The following ACACA variants were observed in gnomAD, a reference collection of about 807,000 sequenced individuals.
ACACA encodes acetyl-CoA carboxylase 1.
A neutral mutation model predicts 296.1 loss-of-function variants in ACACA; 103 were observed. That is an observed-to-expected ratio of 0.35 (90% CI 0.30 to 0.41). The LOEUF (loss-of-function observed/expected upper bound fraction) is 0.41. Ranked by LOEUF, ACACA falls within the 10% of genes least tolerant of loss-of-function variation. The pLI is 1.00. For synonymous variants in ACACA, 953 were observed against 1,038.6 expected (o/e 0.92, Z 1.58); for missense variants, 1,554 against 2,989.7 (o/e 0.52, Z 11.20).
intron 45 of ACACA, among the ~76,000 whole-genome samples, chr17:37,136,264 T>C (rs769261138): frequency 2.0e-5 from 3 of 152,132 alleles, no homozygotes; most frequent in Admixed American, 1.3e-4. Flanking sequence ...TTTGTTCCAG[T>C]AGTTTTGCCT....
At chr17:37,244,536 G>A (rs2080594119) in intron 21 of ACACA, 52 bp downstream of exon 21, 1 of 1,599,760 alleles carries the variant, frequency 6.3e-7, no homozygotes, top group Non-Finnish European at 8.6e-7. Context: ...AACTATTTTG[G>A]AGAATAGGTA....
rs1412306677 is a variant in ACACA, at chr17:37,398,309, G to T, written c.38+7953C>A. On this transcript the variant is annotated intron_variant, in intron 1 of 55. Transcript: ENST00000616317. The stretch of plus-strand genomic sequence containing the variant: ...TTTTTTTTTTTTTTTTTTTTGAGAC[G>T]AAGTTTCGCTCTTGTTGCCCAGGCT... Among the ~76,000 whole-genome samples the T allele has an allele frequency of 2.8e-5, 3 of 108,196 alleles. No homozygotes were observed. The South Asian group carries it at 9.7e-4, about 35-fold the overall frequency. The allele number at this position is 108,196 out of a possible 152,430, so 71.0% of individuals were successfully genotyped here. A position where few individuals can be genotyped will look rare whatever the true frequency, so the allele number is the denominator to read the frequency against.
intron 1 of ACACA, among the ~76,000 whole-genome samples, chr17:37,340,427 C>A (rs1385745409): frequency 6.6e-6 from 1 of 152,166 alleles, no homozygotes; most frequent in Non-Finnish European, 1.5e-5. Context: ...TTAAGAATCA[C>A]CTGCGGAGCT....
chr17:37,269,675 A>T (rs546309583), intron 10 of ACACA, among the ~76,000 whole-genome samples: 15 of 152,150 alleles, frequency 9.9e-5, no homozygotes, highest in African/African-American at 3.4e-4. Flanking sequence ...GACCACCTGT[A>T]TATGAAATCA....
chr17:37,302,478 G>A (rs2083671383), intron 3 of ACACA, among the ~76,000 whole-genome samples: 1 of 151,958 alleles, frequency 6.6e-6, no homozygotes, highest in African/African-American at 2.4e-5. Context: ...CCAAAGTGCT[G>A]GGATTACAGG....
At chr17:37,295,068 T>A (rs999316357) in intron 3 of ACACA, among the ~76,000 whole-genome samples, 3 of 152,096 alleles carry the variant, frequency 2.0e-5, no homozygotes, top group Non-Finnish European at 4.4e-5. Flanking sequence ...CCTTAGCCAG[T>A]AGAGTAGGGG....
At chr17:37,233,165 G>A (rs1259665904) in intron 25 of ACACA, among the ~76,000 whole-genome samples, 3 of 152,142 alleles carry the variant, frequency 2.0e-5, no homozygotes, top group Non-Finnish European at 4.4e-5. Flanking sequence ...CACCCCCCGC[G>A]TAATTACACA....
Position 37,087,108 on chromosome 17 carries a change from T to G in ACACA, c.*208A>C, listed in dbSNP as rs765000699. ...CCTGGCCAGGGTAATAAATACTGAA[T>G]GGGGTAGGTGTGACTGGTGGGCTGG... is the stretch of plus-strand genomic sequence containing the variant. On this transcript the variant is annotated 3_prime_UTR_variant, in exon 56 of 56. Coordinates refer to ENST00000616317, the MANE Select transcript of ACACA (RefSeq NM_198834.3). 7.5e-6 allele frequency: 5 copies of G among 670,048 alleles called. No homozygotes were observed. The highest frequency in any genetic ancestry group is 1.3e-5 in the Non-Finnish European group (5 of 382,936). The allele number at this position is 670,048 out of a possible 1,614,324, so 41.5% of individuals were successfully genotyped here.
At chr17:37,316,330 CACA>C (rs1567985100) in intron 3 of ACACA, among the ~76,000 whole-genome samples, 3 of 151,816 alleles carry the variant, frequency 2.0e-5, no homozygotes, top group African/African-American at 7.3e-5. Flanking sequence ...CACACACACA[CACA>C]CCCCTAACTT....
At chr17:37,143,613 GGAGT>G in intron 45 of ACACA, 1 of 822,372 alleles carries the variant, frequency 1.2e-6, no homozygotes. Context: ...TTCTTTAAAA[GGAGT>G]GAGTTGTATA....
chr17:37,252,530 A>G (rs1409461680), intron 15 of ACACA, among the ~76,000 whole-genome samples: 1 of 152,222 alleles, frequency 6.6e-6, no homozygotes, highest in Non-Finnish European at 1.5e-5. Flanking sequence ...CCCAGGAATT[A>G]AGGAATAAGT....
chr17:37,203,561 T>A (rs1188718493), intron 33 of ACACA, among the ~76,000 whole-genome samples: 1 of 151,678 alleles, frequency 6.6e-6, no homozygotes, highest in Non-Finnish European at 1.5e-5. Flanking sequence ...CTGACCAACA[T>A]GCAGAAACCC....
rs1341893561 is a variant in ACACA at position 37,188,042 on chromosome 17, C to T, written c.4776+235G>A. 2.6e-5 allele frequency among the ~76,000 whole-genome samples: 4 copies of T among 152,196 alleles called. No individual in the cohort carries two copies. In the East Asian group the frequency reaches 7.7e-4, roughly 29 times the overall value. ...CAGGTTCACTTGGCATCTGTTAGTG[C>T]TTACCAATACATGACAAATGGTTAA... On this transcript the variant is annotated intron_variant, in intron 39 of 55. Transcript: ENST00000616317.
chr17:37,150,925 G>A (rs1214663012), intron 44 of ACACA, among the ~76,000 whole-genome samples: 2 of 151,898 alleles, frequency 1.3e-5, no homozygotes, highest in Non-Finnish European at 2.9e-5. Context: ...GGTGGCACTC[G>A]CCTGTAGTCC....
chr17:37,205,613 T>C (rs1324716300), intron 33 of ACACA, 152 bp downstream of exon 33: 11 of 683,478 alleles, frequency 1.6e-5, no homozygotes, highest in Middle Eastern at 2.5e-4. Context: ...TTAAGTCACT[T>C]TGGGATTTTA....
chr17:37,378,053 C>A, intron 1 of ACACA: 2 of 1,209,872 alleles, frequency 1.7e-6, no homozygotes, highest in Non-Finnish European at 1.2e-6. Flanking sequence ...CACTTCCTAG[C>A]CCATATCTCA....
intron 1 of ACACA, among the ~76,000 whole-genome samples, chr17:37,388,950 T>C (rs1333200835): frequency 6.6e-6 from 1 of 152,184 alleles, no homozygotes; most frequent in East Asian, 1.9e-4. Flanking sequence ...GAAAGTTGCT[T>C]GACTGTTCTA....
chr17:37,252,168 A>C, intron 15 of ACACA, 60 bp from the exon 16 acceptor site: 2 of 1,357,154 alleles, frequency 1.5e-6, no homozygotes. Context: ...ACAGCCTCTC[A>C]AATGAAATCA....
chr17:37,318,571 C>A (rs750561360), intron 3 of ACACA, among the ~76,000 whole-genome samples: 1 of 152,070 alleles, frequency 6.6e-6, no homozygotes, highest in Middle Eastern at 3.2e-3. Context: ...TTATTCTCAA[C>A]GTGTGAATTA....
Sources: gnomAD v4.1 joint callset for allele counts (sites outside exome capture counted in the v4.1 genomes callset) on GRCh38, gnomAD v4.1.1 for gene constraint, MANE v1.5 for transcripts, NCBI Gene and HGNC (gene_info 2026-07-23, HGNC 2026-07-21) for gene names.